SCHIP1: variants seen among roughly 807,000 people sequenced by gnomAD.
The protein encoded by SCHIP1 is schwannomin-interacting protein 1.
In SCHIP1, 8 loss-of-function variants were observed where a neutral mutation model predicts 29.7. The observed-to-expected ratio is 0.27, with a 90% CI of 0.16 to 0.49. The LOEUF (loss-of-function observed/expected upper bound fraction) is 0.49, where lower values mean the gene tolerates loss of function less well. Among genes scored for constraint, SCHIP1 ranks in the 20% least tolerant of loss-of-function variants. The pLI is 0.99. For synonymous variants in SCHIP1, 76 were observed against 94.9 expected (o/e 0.80, Z 1.16); for missense variants, 193 against 294.6 (o/e 0.66, Z 2.52).
chr3:159,389,692 C>G, the SCHIP1 span, among the ~76,000 whole-genome samples: 19 of 152,010 alleles, frequency 1.2e-4, no homozygotes, highest in South Asian at 1.9e-3. Flanking sequence ...ACTCTTTTAC[C>G]TTAAATTGTT....
chr3:159,792,175 C>CAAGGAGGGCA, the SCHIP1 span, among the ~76,000 whole-genome samples: 1 of 152,120 alleles, frequency 6.6e-6, no homozygotes, highest in Non-Finnish European at 1.5e-5. Context: ...ATAGTGCCCT[C>CAAGGAGGGCA]CTTGTATTGT....
At chr3:159,893,684 A>C (rs1717776499) in intron 6 of SCHIP1, 1 of 152,118 alleles carries the variant, frequency 6.6e-6, no homozygotes, top group Admixed American at 6.6e-5. Context: ...TGTTTTTATA[A>C]CTTTCAGATG....
chr3:159,475,213 A>G, the SCHIP1 span, among the ~76,000 whole-genome samples: 1 of 152,198 alleles, frequency 6.6e-6, no homozygotes, highest in East Asian at 1.9e-4. Context: ...AAATTGTGGT[A>G]TACTCATACA....
the SCHIP1 span, among the ~76,000 whole-genome samples, chr3:159,480,026 T>G: frequency 6.6e-6 from 1 of 152,158 alleles, no homozygotes; most frequent in African/African-American, 2.4e-5. Flanking sequence ...GGAATTCTCA[T>G]GTAGACCATT....
chr3:159,631,628 G>A, the SCHIP1 span, among the ~76,000 whole-genome samples: 9,961 of 152,186 alleles, frequency 0.065, 1,136 homozygotes, highest in African/African-American at 0.22. Flanking sequence ...TAGGCAAATC[G>A]ACAGAGACAG....
the SCHIP1 span, among the ~76,000 whole-genome samples, chr3:159,750,296 TACAC>T: frequency 7.8e-3 from 1,034 of 132,502 alleles, 12 homozygotes; most frequent in African/African-American, 0.029. Context: ...TATATATATA[TACAC>T]ACACACACAC....
At chr3:159,860,045 A>G (rs1183894597) in intron 1 of SCHIP1, among the ~76,000 whole-genome samples, 1 of 151,606 alleles carries the variant, frequency 6.6e-6, no homozygotes. Flanking sequence ...GTGCACATGC[A>G]TGCTCCTCCC....
the SCHIP1 span, among the ~76,000 whole-genome samples, chr3:159,742,984 G>A: frequency 6.6e-6 from 1 of 151,964 alleles, no homozygotes; most frequent in South Asian, 2.1e-4. Context: ...ACCACGCCGG[G>A]CCTTGGATAC....
the SCHIP1 span, among the ~76,000 whole-genome samples, chr3:159,468,777 A>ATATATATATATATATTT: frequency 5.5e-5 from 7 of 127,336 alleles, no homozygotes; most frequent in African/African-American, 2.1e-4. Flanking sequence ...ATATATATAT[A>ATATATATATATATATTT]TTTTTTTTAG....
chr3:159,744,806 C>T, the SCHIP1 span, among the ~76,000 whole-genome samples: 1 of 151,934 alleles, frequency 6.6e-6, no homozygotes, highest in African/African-American at 2.4e-5. Flanking sequence ...TGAAACCTCA[C>T]CTCTACTAAA....
At chr3:159,623,596 A>G in the SCHIP1 span, among the ~76,000 whole-genome samples, 1 of 152,232 alleles carries the variant, frequency 6.6e-6, no homozygotes, top group Non-Finnish European at 1.5e-5. Context: ...ACTGCACTCC[A>G]ACCTGGGTGA....
At chr3:159,704,974 G>GT in the SCHIP1 span, among the ~76,000 whole-genome samples, 28 of 91,300 alleles carry the variant, frequency 3.1e-4, no homozygotes, top group Admixed American at 2.9e-3. Flanking sequence ...TTTTTCTTTT[G>GT]TTTTTTTAGA....
the SCHIP1 span, among the ~76,000 whole-genome samples, chr3:159,755,295 C>T: frequency 2.4e-4 from 37 of 152,244 alleles, no homozygotes; most frequent in African/African-American, 8.9e-4. Flanking sequence ...GCTGGGGATA[C>T]CTCGCAATCA....
the SCHIP1 span, among the ~76,000 whole-genome samples, chr3:159,370,700 T>A: frequency 1.3e-5 from 2 of 152,272 alleles, no homozygotes; most frequent in South Asian, 4.1e-4. Context: ...AATGGATGAA[T>A]CCTCTCTCTC....
At chr3:159,622,028 A>C in the SCHIP1 span, among the ~76,000 whole-genome samples, 1 of 152,304 alleles carries the variant, frequency 6.6e-6, no homozygotes, top group East Asian at 1.9e-4. Flanking sequence ...AAAACCTCTA[A>C]CCCTTTCCCT....
chr3:159,513,827 T>C, the SCHIP1 span, among the ~76,000 whole-genome samples: 1 of 152,218 alleles, frequency 6.6e-6, no homozygotes, highest in South Asian at 2.1e-4. Context: ...GGCAGGAGCC[T>C]GATCAGCCTC....
At chr3:159,783,232 C>T in the SCHIP1 span, among the ~76,000 whole-genome samples, 1 of 152,180 alleles carries the variant, frequency 6.6e-6, no homozygotes, top group African/African-American at 2.4e-5. Flanking sequence ...TATTTAACAT[C>T]CAAGATAAGT....
At chr3:159,345,227 A>AC in the SCHIP1 span, among the ~76,000 whole-genome samples, 3 of 22,416 alleles carry the variant, frequency 1.3e-4, no homozygotes, top group African/African-American at 3.7e-4. Flanking sequence ...ACTCTGTCTC[A>AC]AAAAAAAAAA....
the SCHIP1 span, among the ~76,000 whole-genome samples, chr3:159,679,702 A>T: frequency 6.6e-6 from 1 of 152,058 alleles, no homozygotes; most frequent in Non-Finnish European, 1.5e-5. Context: ...GGCTCTGGAG[A>T]AGCTCTCCAT....
Sources: gnomAD v4.1 joint callset for allele counts (sites outside exome capture counted in the v4.1 genomes callset) on GRCh38, gnomAD v4.1.1 for gene constraint, MANE v1.5 for transcripts, NCBI Gene and HGNC (gene_info 2026-07-23, HGNC 2026-07-21) for gene names.